Variants in PLCH1 observed in about 807,000 individuals in gnomAD.
PLCH1 encodes phospholipase C eta 1, also known as 1-phosphatidylinositol 4,5-bisphosphate phosphodiesterase eta-1.
Under a neutral mutation model 126.7 loss-of-function variants are expected in PLCH1, and 60 were observed. The observed-to-expected ratio is 0.47, with a 90% CI of 0.38 to 0.59. PLCH1 has a LOEUF of 0.59. Among genes scored for constraint, PLCH1 ranks in the 20% least tolerant of loss-of-function variants. The probability of loss-of-function intolerance (pLI) is 0.00; values close to 1 mark genes in which losing one functional copy is unlikely to be tolerated. For missense variants in PLCH1, 1,723 were observed against 2,040.0 expected, an observed-to-expected ratio of 0.84 and a Z score of 2.99; for synonymous variants, 719 against 734.9, an observed-to-expected ratio of 0.98 and a Z score of 0.35.
intron 2 of PLCH1, chr3:155,658,676 A>G (rs6787497): frequency 0.16 from 24,038 of 152,214 alleles, 2,084 homozygotes; most frequent in East Asian, 0.28. Flanking sequence ...CTTAAAAAAT[A>G]AAATTTACTT....
chr3:155,685,154 G>A (rs915702971), intron 2 of PLCH1, among the ~76,000 whole-genome samples: 5 of 152,152 alleles, frequency 3.3e-5, no homozygotes, highest in African/African-American at 1.2e-4. Context: ...CCAATTGTCG[G>A]AAGACACTGG....
chr3:155,556,059 T>C (rs1325467446), intron 8 of PLCH1, among the ~76,000 whole-genome samples: 1 of 152,226 alleles, frequency 6.6e-6, no homozygotes, highest in East Asian at 1.9e-4. Flanking sequence ...AATTAATCCA[T>C]TTTTAAAACT....
chr3:155,669,239 A>G (rs762331126), intron 2 of PLCH1, among the ~76,000 whole-genome samples: 3 of 152,222 alleles, frequency 2.0e-5, no homozygotes, highest in Non-Finnish European at 4.4e-5. Context: ...GACTATACAC[A>G]AAGATTAAAT....
rs1293278946 is a variant in PLCH1 at position 155,511,465 on chromosome 3, T to C, written c.1632+3258A>G. On this transcript the variant is annotated intron_variant, in intron 12 of 22. Coordinates refer to ENST00000460012, the MANE Select transcript of PLCH1 (RefSeq NM_014996.4). Reference sequence around the variant, plus strand: ...AGAGTTTCCAGTTTTTCTGTTCTGTTTTTTCCCCATCTTTGTGGTTTTATC... The same window carrying C: ...AGAGTTTCCAGTTTTTCTGTTCTGTCTTTTCCCCATCTTTGTGGTTTTATC... Among the ~76,000 whole-genome samples the C allele has an allele frequency of 4.1e-5, 4 of 97,904 alleles. No homozygotes were observed. The East Asian group carries it at 9.3e-4, about 23-fold the overall frequency. The allele number at this position is 97,904 out of a possible 152,430, so 64.2% of individuals were successfully genotyped here.
At chr3:155,673,179 A>G (rs1054865230) in intron 2 of PLCH1, among the ~76,000 whole-genome samples, 1 of 148,146 alleles carries the variant, frequency 6.8e-6, no homozygotes, top group Non-Finnish European at 1.5e-5. Flanking sequence ...ACCTGACATC[A>G]TCCTCATCAT....
chr3:155,738,603 G>A (rs1749380093), intron 1 of PLCH1, among the ~76,000 whole-genome samples: 1 of 152,006 alleles, frequency 6.6e-6, no homozygotes, highest in South Asian at 2.1e-4. Context: ...CTAACACGGT[G>A]AAACCCTGTC....
chr3:155,743,403 G>C (rs1475837383), intron 1 of PLCH1: 2 of 383,890 alleles, frequency 5.2e-6, no homozygotes, highest in African/African-American at 2.1e-5. Context: ...GTGGTGGCGG[G>C]AGCCTGTAAT....
At chr3:155,586,292 T>C in intron 4 of PLCH1, 98 bp from the exon 5 acceptor site, 1 of 1,260,626 alleles carries the variant, frequency 7.9e-7, no homozygotes, top group Non-Finnish European at 1.1e-6. Context: ...AACACAGAAC[T>C]TGAGAAGAAA....
At chr3:155,550,281 G>A (rs923507377) in intron 9 of PLCH1, among the ~76,000 whole-genome samples, 1 of 152,118 alleles carries the variant, frequency 6.6e-6, no homozygotes, top group Non-Finnish European at 1.5e-5. Flanking sequence ...GAGATGAGAA[G>A]TCTAAAGAAA....
At chr3:155,470,830 T>C (rs1226040909) in intron 21 of PLCH1, among the ~76,000 whole-genome samples, 1 of 151,830 alleles carries the variant, frequency 6.6e-6, no homozygotes, top group East Asian at 1.9e-4. Context: ...CAAACTAAGC[T>C]TCATAAGTGA....
intron 10 of PLCH1, among the ~76,000 whole-genome samples, chr3:155,530,231 T>C (rs1722487117): frequency 6.6e-6 from 1 of 152,236 alleles, no homozygotes; most frequent in Non-Finnish European, 1.5e-5. Flanking sequence ...TAAGGTTTTG[T>C]ACACCTCAAG....
intron 12 of PLCH1, among the ~76,000 whole-genome samples, chr3:155,510,150 C>T: frequency 1.2e-5 from 1 of 81,654 alleles, no homozygotes. Flanking sequence ...GGTTTAAAGT[C>T]TGTTTTATCA....
intron 2 of PLCH1, among the ~76,000 whole-genome samples, chr3:155,682,532 C>T (rs1336612479): frequency 6.6e-6 from 1 of 152,156 alleles, no homozygotes; most frequent in Non-Finnish European, 1.5e-5. Flanking sequence ...AAACTCTACA[C>T]CTTACGAAGT....
At chr3:155,658,795 A>G (rs1001036716) in intron 2 of PLCH1, among the ~76,000 whole-genome samples, 1 of 152,248 alleles carries the variant, frequency 6.6e-6, no homozygotes, top group African/African-American at 2.4e-5. Context: ...ATTCCTACCG[A>G]CAAGTATGCC....
chr3:155,615,232 C>T (rs879205471), intron 2 of PLCH1, among the ~76,000 whole-genome samples: 8 of 151,990 alleles, frequency 5.3e-5, no homozygotes, highest in South Asian at 2.1e-4. Context: ...AACCACAATG[C>T]GATACCACCT....
At chr3:155,520,215 A>T (rs985706039) in intron 11 of PLCH1, among the ~76,000 whole-genome samples, 1 of 152,220 alleles carries the variant, frequency 6.6e-6, no homozygotes, top group Non-Finnish European at 1.5e-5. Flanking sequence ...TTGTAACCTC[A>T]AGAGGTAACT....
At chr3:155,698,433 A>G (rs184785127) in intron 2 of PLCH1, among the ~76,000 whole-genome samples, 56 of 152,330 alleles carry the variant, frequency 3.7e-4, no homozygotes, top group Admixed American at 2.7e-3. Flanking sequence ...TAAACTAGAC[A>G]TAAATATCCT....
intron 6 of PLCH1, among the ~76,000 whole-genome samples, chr3:155,573,573 T>C (rs1729542793): frequency 6.6e-6 from 1 of 152,202 alleles, no homozygotes; most frequent in South Asian, 2.1e-4. Flanking sequence ...TCTTTCTCTA[T>C]GTAGTCTCTC....
At chr3:155,537,976 C>G (rs567249026) in intron 10 of PLCH1, among the ~76,000 whole-genome samples, 1 of 151,982 alleles carries the variant, frequency 6.6e-6, no homozygotes, top group African/African-American at 2.4e-5. Context: ...AAACATTCTC[C>G]AAGACAGACC....
Sources: allele counts gnomAD v4.1 joint callset (sites outside exome capture counted in the v4.1 genomes callset), GRCh38; gene constraint gnomAD v4.1.1; transcripts MANE v1.5; gene names NCBI Gene and HGNC (gene_info 2026-07-23, HGNC 2026-07-21).